The following MEIOSIN variants were observed in gnomAD, a reference collection of about 807,000 sequenced individuals.
MEIOSIN encodes meiosis initiator protein.
Under a neutral mutation model 23.4 loss-of-function variants are expected in MEIOSIN, and 18 were observed. The observed-to-expected ratio is 0.77, with a 90% CI of 0.53 to 1.14. MEIOSIN has a LOEUF of 1.14. Among genes scored for constraint, MEIOSIN ranks in the 50% most tolerant of loss-of-function variants. The probability of loss-of-function intolerance (pLI) is 0.00; values close to 1 mark genes in which losing one functional copy is unlikely to be tolerated. For synonymous variants in MEIOSIN, 187 were observed against 100.6 expected (o/e 1.86, Z -5.14); for missense variants, 428 against 242.9 (o/e 1.76, Z -5.07).
intron 3 of MEIOSIN, among the ~76,000 whole-genome samples, chr19:45,740,767 TA>T (rs1255528378): frequency 7.1e-6 from 1 of 140,482 alleles, no homozygotes; most frequent in African/African-American, 2.7e-5. Flanking sequence ...ATAATAATAA[TA>T]ATAATAATAA....
intron 4 of MEIOSIN, among the ~76,000 whole-genome samples, chr19:45,746,273 A>G (rs896817910): frequency 1.3e-5 from 2 of 152,100 alleles, no homozygotes; most frequent in African/African-American, 2.4e-5. Flanking sequence ...AGCCAGTCTC[A>G]CTGGTTTAAA....
chr19:45,758,704 C>G (rs1968883212), intron 9 of MEIOSIN, among the ~76,000 whole-genome samples, 174 bp from the exon 10 acceptor site: 1 of 152,220 alleles, frequency 6.6e-6, no homozygotes, highest in South Asian at 2.1e-4. Flanking sequence ...TGCTGGGTTA[C>G]AGGCGTGAGC....
intron 4 of MEIOSIN, among the ~76,000 whole-genome samples, chr19:45,746,371 T>C (rs1234582595): frequency 5.3e-5 from 8 of 152,192 alleles, no homozygotes; most frequent in African/African-American, 1.9e-4. Context: ...GCTGCCTGCA[T>C]TCCTTGACCC....
chr19:45,757,991 C>T (rs532802009), intron 9 of MEIOSIN, among the ~76,000 whole-genome samples: 1 of 142,624 alleles, frequency 7.0e-6, no homozygotes, highest in East Asian at 2.2e-4. Flanking sequence ...CTGCTCCCGA[C>T]CTCAGAATCC....
At chr19:45,746,840 A>AT (rs1469698241) in intron 4 of MEIOSIN, among the ~76,000 whole-genome samples, 2 of 151,736 alleles carry the variant, frequency 1.3e-5, no homozygotes, top group African/African-American at 2.4e-5. Flanking sequence ...AAAAAAAAAA[A>AT]GATCCTTAAC....
At chr19:45,749,361 G>C (rs1968648530) in intron 4 of MEIOSIN, among the ~76,000 whole-genome samples, 1 of 123,670 alleles carries the variant, frequency 8.1e-6, no homozygotes, top group Non-Finnish European at 1.6e-5. Context: ...AACAGAGCAA[G>C]AGACCCTGTC....
In MEIOSIN at chr19:45,763,328, C is replaced by T. The variant is rs1453204917; in HGVS notation, c.1680-10C>T. ...GACCTCTCCTTACCTCCTCCTCCTT[C>T]CTGTCCCAGATCCTGCCCTGGAACC... On this transcript the variant is annotated splice_polypyrimidine_tract_variant and intron_variant, in intron 13 of 14. Transcript: ENST00000457052. 1 of 398,868 alleles carries T rather than the reference C, an allele frequency of 2.5e-6. No homozygotes were observed. The highest frequency in any genetic ancestry group is 4.4e-5 in the Admixed American group (1 of 22,740). The allele number at this position is 398,868 out of a possible 1,614,324, so 24.7% of individuals were successfully genotyped here. A position where few individuals can be genotyped will look rare whatever the true frequency, so the allele number is the denominator to read the frequency against.
chr19:45,738,354 A>G (rs935897430), intron 2 of MEIOSIN, among the ~76,000 whole-genome samples: 8 of 152,260 alleles, frequency 5.3e-5, no homozygotes, highest in African/African-American at 1.9e-4. Context: ...TTGATGGCTC[A>G]GGCCTGTAAT....
chr19:45,745,688 T>C (rs1968580597), intron 4 of MEIOSIN, among the ~76,000 whole-genome samples: 1 of 152,180 alleles, frequency 6.6e-6, no homozygotes, highest in African/African-American at 2.4e-5. Flanking sequence ...TTTTTGAGAG[T>C]CCTGAGTAGC....
Position 45,754,680 on chromosome 19 carries a change from C to A in MEIOSIN, c.758C>A (p.Thr253Lys), listed in dbSNP as rs1009317077. ...AGAAAAGGAGGACAGTCCCAGCTGA[C>A]GCTGTTGGATCTGGCCGAGGACACC... is the stretch of plus-strand genomic sequence containing the variant. ...GDRKGGQSQL[T>K]LLDLAEDTIH... The change falls in exon 7 of 15, where the codon ACG (threonine) becomes AAG (lysine). Residue 253 changes from threonine (T) to lysine (K), a missense_variant. Transcript: ENST00000457052. The A allele has an allele frequency of 1.6e-5, 11 of 702,956 alleles. No individual in the cohort carries two copies. The highest frequency in any genetic ancestry group is 2.6e-5 in the Non-Finnish European group (10 of 385,038). The allele number at this position is 702,956 out of a possible 1,614,324, so 43.5% of individuals were successfully genotyped here. A position where few individuals can be genotyped will look rare whatever the true frequency, so the allele number is the denominator to read the frequency against.
At chr19:45,752,654 G>A (rs1968735734) in intron 5 of MEIOSIN, among the ~76,000 whole-genome samples, 2 of 152,072 alleles carry the variant, frequency 1.3e-5, no homozygotes, top group South Asian at 4.1e-4. Context: ...AGCCTGACTT[G>A]TTTCTATGTA....
chr19:45,739,272 T>G (rs1435657551), intron 2 of MEIOSIN, among the ~76,000 whole-genome samples: 3 of 152,136 alleles, frequency 2.0e-5, no homozygotes, highest in Admixed American at 6.6e-5. Context: ...TGCCTCAGCC[T>G]CCCGAGTAGC....
chr19:45,744,602 ATTATTTAT>A (rs915625985), intron 3 of MEIOSIN, among the ~76,000 whole-genome samples: 1 of 151,370 alleles, frequency 6.6e-6, no homozygotes, highest in Admixed American at 6.6e-5. Context: ...TTGTATTTTT[ATTATTTAT>A]TTATTTATTT....
chr19:45,735,802 C>G (rs200528682), intron 2 of MEIOSIN, among the ~76,000 whole-genome samples: 2 of 151,856 alleles, frequency 1.3e-5, no homozygotes, highest in Non-Finnish European at 2.9e-5. Flanking sequence ...TCAGCCTCCC[C>G]AGTAGCTGGG....
At chr19:45,740,749 C>CAAT (rs201482275) in intron 3 of MEIOSIN, among the ~76,000 whole-genome samples, 3,208 of 140,026 alleles carry the variant, frequency 0.023, 38 homozygotes, top group Middle Eastern at 0.051. Context: ...GACTCCATCT[C>CAAT]AATAATAATA....
intron 7 of MEIOSIN, among the ~76,000 whole-genome samples, chr19:45,755,476 CAA>C (rs1968806534): frequency 7.3e-6 from 1 of 136,302 alleles, no homozygotes; most frequent in Non-Finnish European, 1.6e-5. Flanking sequence ...TGTTTTGAGA[CAA>C]AGTCTTGCTC....
chr19:45,743,417 A>C (rs933239744), intron 3 of MEIOSIN, among the ~76,000 whole-genome samples: 2 of 152,166 alleles, frequency 1.3e-5, no homozygotes, highest in Non-Finnish European at 2.9e-5. Context: ...GCTAGACAGG[A>C]GTTTAAGCTC....
chr19:45,735,050 C>T (rs145520506), intron 1 of MEIOSIN, among the ~76,000 whole-genome samples: 3 of 151,786 alleles, frequency 2.0e-5, no homozygotes, highest in Admixed American at 6.6e-5. Flanking sequence ...TGCACCACCA[C>T]GCCCGGCTAA....
At position 45,755,842 on chromosome 19, in the gene MEIOSIN, G is replaced by A. The variant is rs368164450; in HGVS notation, c.803-128G>A. ...ACACCAACGTGACACCCTGCATCCT[G>A]AGGTTTGGGCTAGGATTGGGGAGTG... On this transcript the variant is annotated intron_variant, in intron 7 of 14. Coordinates refer to ENST00000457052, the MANE Select transcript of MEIOSIN (RefSeq NM_001310124.2). The A allele has an allele frequency of 1.3e-4, 78 of 606,712 alleles. No individual in the cohort carries two copies. The East Asian group carries it at 2.0e-3, about 15-fold the overall frequency. 37.6% of individuals were successfully genotyped at this position (606,712 alleles called of 1,614,324 possible). A position where few individuals can be genotyped will look rare whatever the true frequency, so the allele number is the denominator to read the frequency against.
Sources: allele counts gnomAD v4.1 joint callset (sites outside exome capture counted in the v4.1 genomes callset), GRCh38; gene constraint gnomAD v4.1.1; transcripts MANE v1.5; gene names NCBI Gene and HGNC (gene_info 2026-07-23, HGNC 2026-07-21).